The following GDPD5 variants were observed in gnomAD, a reference collection of about 807,000 sequenced individuals.
GDPD5 encodes the protein glycerophosphodiester phosphodiesterase 2.
A neutral mutation model predicts 75.1 loss-of-function variants in GDPD5; 48 were observed. That is an observed-to-expected ratio of 0.64 (90% CI 0.51 to 0.81). The LOEUF is 0.81. Ranked by LOEUF, GDPD5 falls within the 40% of genes least tolerant of loss-of-function variation. The pLI is 0.00. For missense variants in GDPD5, 706 were observed against 822.6 expected, an observed-to-expected ratio of 0.86 and a Z score of 1.73; for synonymous variants, 336 against 339.0, an observed-to-expected ratio of 0.99 and a Z score of 0.10.
chr11:75,514,220 G>T (rs1423302794), intron 1 of GDPD5, among the ~76,000 whole-genome samples: 1 of 152,236 alleles, frequency 6.6e-6, no homozygotes, highest in African/African-American at 2.4e-5. Flanking sequence ...CTGAGAGATG[G>T]ACTCAGCTGC....
intron 9 of GDPD5, among the ~76,000 whole-genome samples, chr11:75,446,952 C>T (rs1042291577): frequency 3.0e-4 from 46 of 152,068 alleles, no homozygotes; most frequent in Admixed American, 2.9e-3. Context: ...GGCGCAATCT[C>T]GGCTCGCTGC....
intron 3 of GDPD5, among the ~76,000 whole-genome samples, chr11:75,473,174 C>A (rs892250172): frequency 5.3e-5 from 8 of 151,922 alleles, no homozygotes; most frequent in Non-Finnish European, 1.2e-4. Context: ...TGTCTTCCTG[C>A]CAGGGTAGGG....
intron 3 of GDPD5, among the ~76,000 whole-genome samples, chr11:75,475,355 C>A (rs1265392354): frequency 6.6e-6 from 1 of 152,118 alleles, no homozygotes; most frequent in African/African-American, 2.4e-5. Context: ...GTCTCCACCA[C>A]CCCTCAACTC....
At chr11:75,454,722 TAAAGAAA>T (rs897468901) in intron 6 of GDPD5, among the ~76,000 whole-genome samples, 1 of 152,184 alleles carries the variant, frequency 6.6e-6, no homozygotes, top group Admixed American at 6.5e-5. Context: ...TGTTTGTGTT[TAAAGAAA>T]AAAGAAAAAG....
intron 1 of GDPD5, chr11:75,492,305 T>TAG (rs1159806009): frequency 6.6e-6 from 1 of 152,228 alleles, no homozygotes; most frequent in African/African-American, 2.4e-5. Flanking sequence ...GGGTCTCAGG[T>TAG]AGAGGGTGAC....
intron 2 of GDPD5, among the ~76,000 whole-genome samples, chr11:75,489,131 T>G (rs1210035004): frequency 6.6e-6 from 1 of 152,194 alleles, no homozygotes; most frequent in Admixed American, 6.5e-5. Flanking sequence ...GCCTGAATTC[T>G]GCCTCTGAAT....
chr11:75,440,110 A>G (rs1465395469), intron 14 of GDPD5, 149 bp from the exon 15 acceptor site: 2 of 618,438 alleles, frequency 3.2e-6, no homozygotes, highest in African/African-American at 3.7e-5. Flanking sequence ...TGAAGATGAC[A>G]TTTTGCAGGT....
chr11:75,453,169 G>C (rs1949207794), intron 6 of GDPD5, among the ~76,000 whole-genome samples: 4 of 152,044 alleles, frequency 2.6e-5, no homozygotes, highest in Admixed American at 2.0e-4. Flanking sequence ...GGAGATTTTG[G>C]CAGACTGGGG....
At chr11:75,460,438 A>C (rs753464263) in intron 4 of GDPD5, among the ~76,000 whole-genome samples, 2 of 151,862 alleles carry the variant, frequency 1.3e-5, no homozygotes, top group Non-Finnish European at 2.9e-5. Flanking sequence ...TCATCATCTC[A>C]TTGCATCCTC....
At chr11:75,441,989 G>C (rs1948829248) in intron 12 of GDPD5, among the ~76,000 whole-genome samples, 186 bp from the exon 13 acceptor site, 4 of 152,236 alleles carry the variant, frequency 2.6e-5, no homozygotes, top group Admixed American at 2.6e-4. Context: ...CAGCAACTCA[G>C]GAAACTTCGC....
intron 15 of GDPD5, chr11:75,438,259 CTTG>C (rs1948679438): frequency 1.3e-5 from 2 of 152,354 alleles, no homozygotes; most frequent in Non-Finnish European, 2.9e-5. Flanking sequence ...CTGACCTGTA[CTTG>C]TTGAGTGAAT....
At position 75,435,523 on chromosome 11, in the gene GDPD5, T is replaced by A; in HGVS notation, c.1802A>T (p.Glu601Val). 6.2e-7 allele frequency: 1 copy of A among 1,609,812 alleles called. No homozygotes were observed. The highest frequency in any genetic ancestry group is 8.5e-7 in the Non-Finnish European group (1 of 1,178,136). ...TGTCTTCAGCTAACGCCCACTCCGC[T>A]CTATGAGGGTCTTGGTGTGGCTGCC... ...GGGSHTKTLI[E>V]RSGR Residue 601 changes from glutamate (E) to valine (V), a missense_variant, in exon 17 of 17, where the codon GAG becomes GTG. Coordinates refer to ENST00000336898, the MANE Select transcript of GDPD5 (RefSeq NM_030792.8).
intron 3 of GDPD5, among the ~76,000 whole-genome samples, chr11:75,472,995 G>C (rs989322290): frequency 6.6e-6 from 1 of 152,034 alleles, no homozygotes; most frequent in Non-Finnish European, 1.5e-5. Flanking sequence ...TTAAGGGGCA[G>C]GGAGGAGAAA....
intron 1 of GDPD5, among the ~76,000 whole-genome samples, chr11:75,520,787 G>A (rs1055518848): frequency 1.3e-5 from 2 of 152,250 alleles, no homozygotes; most frequent in African/African-American, 2.4e-5. Context: ...GGCAAAGGGA[G>A]GAGAAGCTGG....
Position 75,435,175 on chromosome 11 carries a change from G to A in GDPD5, c.*332C>T. ...AGCATCCACACACTCCATTGCCACA[G>A]GGGGTATGGCATGGCCCATGACCCA... On this transcript the variant is annotated 3_prime_UTR_variant, in exon 17 of 17. Transcript: ENST00000336898. The A allele has an allele frequency of 4.7e-6, 1 of 213,302 alleles. No homozygotes were observed. Among genetic ancestry groups the A allele is most frequent in the Non-Finnish European group, 9.3e-6 (1 of 107,628 alleles). 13.2% of individuals were successfully genotyped at this position (213,302 alleles called of 1,614,324 possible).
Position 75,442,383 on chromosome 11 carries a change from A to G in GDPD5, c.1147T>C (p.Ser383Pro). Reference sequence around the variant, plus strand: ...CTCACCTGGTGCTGGGGGAAGCCGGAGTGCAGCACGGCCTCCAGAGTCACG... The same window carrying G: ...CTCACCTGGTGCTGGGGGAAGCCGGGGTGCAGCACGGCCTCCAGAGTCACG... ...INVTLEAVLHSGFPQHQVMWL... is the reference protein window; with the variant it reads ...INVTLEAVLHPGFPQHQVMWL... The change falls in exon 12 of 17, where the codon TCC becomes CCC. Residue 383 changes from serine to proline, a missense_variant. Ser to Pro is a moderately conservative substitution (Grantham distance 74). Coordinates refer to ENST00000336898, the MANE Select transcript of GDPD5 (RefSeq NM_030792.8). 3.2e-6 allele frequency: 5 copies of G among 1,569,608 alleles called. No individual in the cohort carries two copies. Among genetic ancestry groups the G allele is most frequent in the Non-Finnish European group, 4.3e-6 (5 of 1,157,806 alleles).
At chr11:75,519,436 G>C (rs964583648) in intron 1 of GDPD5, among the ~76,000 whole-genome samples, 1 of 152,132 alleles carries the variant, frequency 6.6e-6, no homozygotes, top group Non-Finnish European at 1.5e-5. Flanking sequence ...TCATTCCACG[G>C]AGCAGCTGCC....
At chr11:75,475,759 T>C (rs1279897649) in intron 3 of GDPD5, among the ~76,000 whole-genome samples, 2 of 152,090 alleles carry the variant, frequency 1.3e-5, no homozygotes, top group East Asian at 3.9e-4. Flanking sequence ...AGAGCTGCTG[T>C]AAAGCCCTAT....
chr11:75,468,685 C>CA (rs1555006450), intron 3 of GDPD5, among the ~76,000 whole-genome samples: 2 of 152,016 alleles, frequency 1.3e-5, no homozygotes, highest in Admixed American at 6.5e-5. Flanking sequence ...CGACGCCCCC[C>CA]CCCCGGGAGG....
Sources: gnomAD v4.1 joint callset for allele counts (sites outside exome capture counted in the v4.1 genomes callset) on GRCh38, gnomAD v4.1.1 for gene constraint, MANE v1.5 for transcripts, NCBI Gene and HGNC (gene_info 2026-07-23, HGNC 2026-07-21) for gene names.